The following ARHGAP26 variants were observed in gnomAD, a reference collection of about 807,000 sequenced individuals.
ARHGAP26 encodes Rho GTPase activating protein 26.
In ARHGAP26, 38 loss-of-function variants were observed where a neutral mutation model predicts 104.8. That is an observed-to-expected ratio of 0.36 (90% confidence interval 0.28 to 0.48). The LOEUF (loss-of-function observed/expected upper bound fraction) is 0.48. ARHGAP26 is among the 20% of genes least tolerant of loss of function. The pLI is 0.99. For missense variants in ARHGAP26, 704 were observed against 947.9 expected, an observed-to-expected ratio of 0.74 and a Z score of 3.38; for synonymous variants, 341 against 340.0, an observed-to-expected ratio of 1.00 and a Z score of -0.03.
intron 11 of ARHGAP26, among the ~76,000 whole-genome samples, chr5:142,942,290 A>G (rs1419676264): frequency 2.6e-5 from 4 of 152,370 alleles, no homozygotes; most frequent in African/African-American, 9.6e-5. Context: ...AAGCCTTTAG[A>G]TACTTTCTCA....
chr5:142,907,572 T>C (rs1453609732), intron 8 of ARHGAP26, 132 bp from the exon 9 acceptor site: 1 of 462,856 alleles, frequency 2.2e-6, no homozygotes, highest in African/African-American at 2.1e-5. Flanking sequence ...GTGTGGAGAA[T>C]ATATTACTTC....
intron 5 of ARHGAP26, among the ~76,000 whole-genome samples, chr5:142,892,018 G>T (rs1157693264): frequency 3.9e-5 from 6 of 151,944 alleles, no homozygotes; most frequent in African/African-American, 1.5e-4. Flanking sequence ...TGGTTCAATT[G>T]TACCCGCTCG....
At chr5:143,101,667 G>GAC (rs1186902347) in intron 17 of ARHGAP26, among the ~76,000 whole-genome samples, 2 of 149,856 alleles carry the variant, frequency 1.3e-5, no homozygotes, top group African/African-American at 4.9e-5. Flanking sequence ...CCCTGAAACA[G>GAC]ACACACACAC....
chr5:142,922,773 A>G (rs1032802592), intron 10 of ARHGAP26, among the ~76,000 whole-genome samples: 4 of 152,156 alleles, frequency 2.6e-5, no homozygotes, highest in Non-Finnish European at 5.9e-5. Context: ...ACGTGCCTTT[A>G]TCTTTTGCAA....
At chr5:143,072,002 A>G (rs956196872) in intron 17 of ARHGAP26, among the ~76,000 whole-genome samples, 1 of 152,198 alleles carries the variant, frequency 6.6e-6, no homozygotes, top group African/African-American at 2.4e-5. Context: ...GAACACCTAC[A>G]GAATGGGAGA....
intron 1 of ARHGAP26, among the ~76,000 whole-genome samples, chr5:142,834,653 G>T (rs979750991): frequency 6.6e-6 from 1 of 152,214 alleles, no homozygotes; most frequent in Non-Finnish European, 1.5e-5. Flanking sequence ...GCATCTACAT[G>T]CTCTGGCAGC....
intron 6 of ARHGAP26, among the ~76,000 whole-genome samples, chr5:142,898,469 T>C (rs1161688164): frequency 6.6e-6 from 1 of 152,220 alleles, no homozygotes; most frequent in Non-Finnish European, 1.5e-5. Flanking sequence ...TGAATATTTC[T>C]TGGTGCAGTG....
intron 11 of ARHGAP26, 140 bp from the exon 12 acceptor site, chr5:143,013,940 G>A (rs1779222726): frequency 2.8e-6 from 2 of 724,390 alleles, no homozygotes; most frequent in Admixed American, 2.2e-5. Context: ...ATTATTGAAT[G>A]GGTTCATGTT....
intron 17 of ARHGAP26, among the ~76,000 whole-genome samples, chr5:143,084,523 G>A (rs112088559): frequency 0.01 from 1,573 of 152,278 alleles, 26 homozygotes; most frequent in African/African-American, 0.036. Flanking sequence ...GGAGGGAGGC[G>A]TGTTTTTAAC....
chr5:142,888,439 G>A (rs961039983), intron 5 of ARHGAP26, among the ~76,000 whole-genome samples: 32 of 152,196 alleles, frequency 2.1e-4, no homozygotes, highest in Non-Finnish European at 3.5e-4. Context: ...TGAGTTTCTC[G>A]TAGGGGTCAG....
chr5:142,901,870 T>C (rs112036538), intron 6 of ARHGAP26, 65 bp from the exon 7 acceptor site: 1 of 1,334,734 alleles, frequency 7.5e-7, no homozygotes, highest in Non-Finnish European at 1.1e-6. Flanking sequence ...GGAGCTCAGA[T>C]ACAGCTACAT....
At chr5:143,004,717 G>A (rs774350794) in intron 11 of ARHGAP26, among the ~76,000 whole-genome samples, 24 of 152,166 alleles carry the variant, frequency 1.6e-4, no homozygotes, top group Non-Finnish European at 2.1e-4. Context: ...GACTGGTATT[G>A]TGATGTTTTG....
Position 142,902,017 on chromosome 5 carries a change from A to G in ARHGAP26, c.680A>G (p.Gln227Arg). The change falls in exon 7 of 23, where the codon CAG becomes CGG. Residue 227 changes from glutamine (Q) to arginine (R), a missense_variant. Transcript: ENST00000645722. ...LAKDFGDFKT[Q>R]LTISIQNTRN... is the part of the protein sequence containing the mutation. Reference sequence around the variant, plus strand: ...AAGGATTTCGGGGACTTCAAGACACAGTTAACCATTAGCATACAGAACGTG... The same window carrying G: ...AAGGATTTCGGGGACTTCAAGACACGGTTAACCATTAGCATACAGAACGTG... 6.2e-7 allele frequency: 1 copy of G among 1,613,844 alleles called. No homozygotes were observed. The highest frequency in any genetic ancestry group is 8.5e-7 in the Non-Finnish European group (1 of 1,179,750).
At chr5:143,126,608 A>G (rs746105652) in intron 18 of ARHGAP26, among the ~76,000 whole-genome samples, 4 of 152,214 alleles carry the variant, frequency 2.6e-5, no homozygotes, top group Non-Finnish European at 5.9e-5. Flanking sequence ...CTTTGCTTGG[A>G]GGTTAGAGAG....
intron 20 of ARHGAP26, among the ~76,000 whole-genome samples, chr5:143,200,220 G>A (rs1031975131): frequency 1.3e-5 from 2 of 152,204 alleles, no homozygotes; most frequent in Admixed American, 1.3e-4. Flanking sequence ...GGAATTGTCA[G>A]TGTTGGTGGA....
At chr5:142,870,872 T>C (rs1755187660) in intron 1 of ARHGAP26, among the ~76,000 whole-genome samples, 1 of 152,154 alleles carries the variant, frequency 6.6e-6, no homozygotes, top group Non-Finnish European at 1.5e-5. Context: ...CCCCATAGAA[T>C]GCAAGTGGAG....
rs948332762 is a variant in ARHGAP26, at chr5:142,804,992, G to A, written c.154+34077G>A. ...TTTCACTTAGCATAATGTTTTTCGG[G>A]TCCATTCATGTTGAAGCATGTGTCA... On this transcript the variant is annotated intron_variant, in intron 1 of 22. Coordinates refer to ENST00000645722, the MANE Select transcript of ARHGAP26 (RefSeq NM_001135608.3). Among the ~76,000 whole-genome samples the A allele has an allele frequency of 3.9e-5, 6 of 151,932 alleles. No homozygotes were observed. In the South Asian group the frequency reaches 1.2e-3, roughly 32 times the overall value.
chr5:142,847,410 T>C (rs989068312), intron 1 of ARHGAP26, among the ~76,000 whole-genome samples: 3 of 151,240 alleles, frequency 2.0e-5, no homozygotes, highest in African/African-American at 7.3e-5. Flanking sequence ...CGGGCTGGAG[T>C]GCAATGGCGC....
chr5:142,859,824 G>T (rs1753002963), intron 1 of ARHGAP26: 1 of 152,248 alleles, frequency 6.6e-6, no homozygotes, highest in African/African-American at 2.4e-5. Context: ...GGCTTATCCA[G>T]GGAAATAACA....
Sources: allele counts gnomAD v4.1 joint callset (sites outside exome capture counted in the v4.1 genomes callset), GRCh38; gene constraint gnomAD v4.1.1; transcripts MANE v1.5; gene names NCBI Gene and HGNC (gene_info 2026-07-23, HGNC 2026-07-21).